FKTN: variants seen among roughly 807,000 people sequenced by gnomAD.
FKTN encodes the protein fukutin, also known as ribitol-5-phosphate transferase FKTN.
Under a neutral mutation model 58.6 loss-of-function variants are expected in FKTN, and 47 were observed. That is an observed-to-expected ratio of 0.80 (90% confidence interval 0.63 to 1.02). The LOEUF is 1.02. FKTN is among the 50% of genes least tolerant of loss of function. The pLI is 0.00. For missense variants in FKTN, 516 were observed against 537.3 expected (o/e 0.96, Z 0.39); for synonymous variants, 178 against 191.9 (o/e 0.93, Z 0.60).
intron 1 of FKTN, among the ~76,000 whole-genome samples, chr9:105,560,466 C>A (rs1188595582): frequency 6.6e-6 from 1 of 152,328 alleles, no homozygotes; most frequent in Middle Eastern, 3.4e-3. Context: ...TACCCATCAT[C>A]TGTTTCTCCT....
In FKTN at chr9:105,635,519, T is replaced by C; in HGVS notation, c.*255T>C. The C allele has an allele frequency of 7.4e-7, 1 of 1,354,768 alleles. No individual in the cohort carries two copies. The allele number at this position is 1,354,768 out of a possible 1,614,324, so 83.9% of individuals were successfully genotyped here. On this transcript the variant is annotated 3_prime_UTR_variant, in exon 11 of 11. Coordinates refer to ENST00000357998, the MANE Select transcript of FKTN (RefSeq NM_001079802.2). ...ATACCTACTTCTTTTATTCCTCCTTTTGGTAAACAACTCAATTTTCCTTTG... is the reference window on the plus strand; with the variant it reads ...ATACCTACTTCTTTTATTCCTCCTTCTGGTAAACAACTCAATTTTCCTTTG...
chr9:105,607,908 G>T lies in FKTN; in HGVS notation c.737G>T (p.Arg246Met), dbSNP rs1829195710. Residue 246 changes from arginine (R) to methionine (M), a missense_variant, in exon 7 of 11, where the codon AGG (arginine) becomes ATG (methionine). By Grantham distance (91) the Arg-to-Met change is moderately conservative. Coordinates refer to ENST00000357998, the MANE Select transcript of FKTN (RefSeq NM_001079802.2). ...MHFVEEVPHS[R>M]FIECRYKEAR... Reference sequence around the variant, plus strand: ...TTTGTAGAAGAAGTACCACACTCTAGGTTTATTGAGTGTAGGTATAAAGAA... The same window carrying T: ...TTTGTAGAAGAAGTACCACACTCTATGTTTATTGAGTGTAGGTATAAAGAA... 1 of 1,607,812 alleles carries T rather than the reference G, an allele frequency of 6.2e-7. No individual in the cohort carries two copies. The highest frequency in any genetic ancestry group is 8.5e-7 in the Non-Finnish European group (1 of 1,174,452).
intron 1 of FKTN, among the ~76,000 whole-genome samples, chr9:105,564,072 A>C (rs1321772463): frequency 6.6e-6 from 1 of 152,222 alleles, no homozygotes; most frequent in Non-Finnish European, 1.5e-5. Context: ...ACTCCAACAG[A>C]CCTGCATCTG....
At position 105,639,056 on chromosome 9, in the gene FKTN, A is replaced by G; in HGVS notation, c.*3792A>G. Reference sequence around the variant, plus strand: ...CCTAGTTTCACTTTCTGGAAAGTGAACAGTTTTTTAAATCCTAAATGTTAT... The same window carrying G: ...CCTAGTTTCACTTTCTGGAAAGTGAGCAGTTTTTTAAATCCTAAATGTTAT... On this transcript the variant is annotated 3_prime_UTR_variant, in exon 11 of 11. Transcript: ENST00000357998. The G allele has an allele frequency of 1.0e-6, 1 of 985,372 alleles. No homozygotes were observed. 61.0% of individuals were successfully genotyped at this position (985,372 alleles called of 1,614,324 possible).
intron 4 of FKTN, among the ~76,000 whole-genome samples, chr9:105,600,056 A>G (rs1247106310): frequency 6.6e-6 from 1 of 152,074 alleles, no homozygotes; most frequent in African/African-American, 2.4e-5. Flanking sequence ...TGTATTTTTA[A>G]AGAAATTTGT....
In FKTN at chr9:105,637,467, A is replaced by G; in HGVS notation, c.*2203A>G. 1 of 985,464 alleles carries G rather than the reference A, an allele frequency of 1.0e-6. No homozygotes were observed. The highest frequency in any genetic ancestry group is 1.2e-6 in the Non-Finnish European group (1 of 829,942). 61.0% of individuals were successfully genotyped at this position (985,464 alleles called of 1,614,324 possible). A position where few individuals can be genotyped will look rare whatever the true frequency, so the allele number is the denominator to read the frequency against. On this transcript the variant is annotated 3_prime_UTR_variant, in exon 11 of 11. Coordinates refer to ENST00000357998, the MANE Select transcript of FKTN (RefSeq NM_001079802.2). ...TTCCACCCTAACTTGGGGAAACAAAAGCCTTCTCTAGAATCTGAAGGCCAG... is the reference window on the plus strand; with the variant it reads ...TTCCACCCTAACTTGGGGAAACAAAGGCCTTCTCTAGAATCTGAAGGCCAG...
intron 1 of FKTN, among the ~76,000 whole-genome samples, chr9:105,566,914 G>A (rs1401060065): frequency 2.0e-5 from 3 of 152,122 alleles, no homozygotes; most frequent in Non-Finnish European, 4.4e-5. Context: ...CTGGCAAACC[G>A]AGTCCAGAAG....
At chr9:105,590,060 C>T (rs576053439) in intron 3 of FKTN, among the ~76,000 whole-genome samples, 66 of 152,284 alleles carry the variant, frequency 4.3e-4, no homozygotes, top group African/African-American at 1.5e-3. Context: ...TGTTTTAAAA[C>T]AAGTAGCCTG....
intron 3 of FKTN, among the ~76,000 whole-genome samples, chr9:105,581,850 TGTG>T (rs1220563416): frequency 6.6e-6 from 1 of 152,148 alleles, no homozygotes. Flanking sequence ...CCGAGCCAGG[TGTG>T]GGATATAGTC....
intron 3 of FKTN, among the ~76,000 whole-genome samples, chr9:105,590,423 C>T (rs1310149589): frequency 6.6e-6 from 1 of 152,130 alleles, no homozygotes; most frequent in Non-Finnish European, 1.5e-5. Flanking sequence ...ATGTCTTTAT[C>T]AGCAACGTGA....
rs533620305 is a variant in FKTN at position 105,565,096 on chromosome 9, G to C, written c.-181+6931G>C. ...TAAAATCCTTTACAGACAAGCAAATGCTGAGAGATTTTGTCACCACCAGGC... is the reference window on the plus strand; with the variant it reads ...TAAAATCCTTTACAGACAAGCAAATCCTGAGAGATTTTGTCACCACCAGGC... On this transcript the variant is annotated intron_variant, in intron 1 of 10. Coordinates refer to ENST00000357998, the MANE Select transcript of FKTN (RefSeq NM_001079802.2). 9.0e-3 allele frequency among the ~76,000 whole-genome samples: 1,376 copies of C among 152,246 alleles called. 22 individuals are homozygous for C. The highest frequency in any genetic ancestry group is 0.032 in the African/African-American group (1,318 of 41,534).
At chr9:105,568,344 A>G (rs1840080294) in intron 1 of FKTN, among the ~76,000 whole-genome samples, 1 of 152,226 alleles carries the variant, frequency 6.6e-6, no homozygotes. Flanking sequence ...CTACCATCAG[A>G]GTGAACAGGC....
chr9:105,625,111 C>A (rs1291707072), intron 10 of FKTN, among the ~76,000 whole-genome samples: 1 of 151,580 alleles, frequency 6.6e-6, no homozygotes, highest in Non-Finnish European at 1.5e-5. Context: ...TGCTAGGTAG[C>A]AATTAGAAAA....
rs1234964380 is a variant in FKTN at position 105,566,319 on chromosome 9, TACAG to T, written c.-180-7332_-180-7329del. On this transcript the variant is annotated intron_variant, in intron 1 of 10. Transcript: ENST00000357998. Reference sequence around the variant, plus strand: ...AAGATCAGAGCGGAACTGCAGGAGATACAGACACAAAAAACCCTTCAAAAAATCA... The same window carrying T: ...AAGATCAGAGCGGAACTGCAGGAGATACACAAAAAACCCTTCAAAAAATCA... 9.9e-5 allele frequency among the ~76,000 whole-genome samples: 15 copies of T among 152,038 alleles called. No homozygotes were observed. In the South Asian group the frequency reaches 2.3e-3, roughly 23 times the overall value.
intron 9 of FKTN, among the ~76,000 whole-genome samples, chr9:105,618,631 T>C (rs1031114686): frequency 6.6e-6 from 1 of 152,200 alleles, no homozygotes; most frequent in African/African-American, 2.4e-5. Flanking sequence ...TGCTCAGACA[T>C]CAACTAGGGA....
chr9:105,633,048 T>A (rs1833682284), intron 10 of FKTN, among the ~76,000 whole-genome samples: 1 of 152,206 alleles, frequency 6.6e-6, no homozygotes, highest in South Asian at 2.1e-4. Context: ...TATTTTATAA[T>A]CAGTTTTTAC....
In FKTN at chr9:105,571,528, GT is replaced by G. The variant is rs1274830047; in HGVS notation, c.-180-2125del. ...TTGGAGGTTTATTTTATAAGAATTA[GT>G]TGTAAACTAGAGAAGAAAGAACAAG... On this transcript the variant is annotated intron_variant, in intron 1 of 10. Coordinates refer to ENST00000357998, the MANE Select transcript of FKTN (RefSeq NM_001079802.2). Among the ~76,000 whole-genome samples the G allele has an allele frequency of 4.6e-5, 7 of 152,132 alleles. No homozygotes were observed. In the East Asian group the frequency reaches 7.7e-4, roughly 17 times the overall value.
Position 105,578,062 on chromosome 9 carries a change from A to G in FKTN, c.105+2925A>G, listed in dbSNP as rs563542429. Among the ~76,000 whole-genome samples the G allele has an allele frequency of 1.7e-4, 26 of 152,086 alleles. No homozygotes were observed. The East Asian group carries it at 4.8e-3, about 28-fold the overall frequency. On this transcript the variant is annotated intron_variant, in intron 3 of 10. Transcript: ENST00000357998. ...TGAAGTTGCTTATCAGCTTAAGGAGATTTTAGGCTGAGACAATGGGGTTTT... is the reference window on the plus strand; with the variant it reads ...TGAAGTTGCTTATCAGCTTAAGGAGGTTTTAGGCTGAGACAATGGGGTTTT...
chr9:105,621,589 C>T (rs1430757378), intron 10 of FKTN, among the ~76,000 whole-genome samples: 1 of 152,064 alleles, frequency 6.6e-6, no homozygotes, highest in East Asian at 1.9e-4. Flanking sequence ...CATGATTACT[C>T]ATTTCTTATG....
Sources: allele counts gnomAD v4.1 joint callset (sites outside exome capture counted in the v4.1 genomes callset), GRCh38; gene constraint gnomAD v4.1.1; transcripts MANE v1.5; gene names NCBI Gene and HGNC (gene_info 2026-07-23, HGNC 2026-07-21).